The following CRACDL variants were observed in gnomAD, a reference collection of about 807,000 sequenced individuals.
The protein encoded by CRACDL is CRACD-like protein.
Under a neutral mutation model 70.6 loss-of-function variants are expected in CRACDL, and 26 were observed. That is an observed-to-expected ratio of 0.37 (90% CI 0.27 to 0.51). The LOEUF (loss-of-function observed/expected upper bound fraction) is 0.51, where lower values mean the gene tolerates loss of function less well. Among genes scored for constraint, CRACDL ranks in the 20% least tolerant of loss-of-function variants. The pLI is 0.94. For synonymous variants in CRACDL, 618 were observed against 615.2 expected (o/e 1.00, Z -0.07); for missense variants, 1,283 against 1,376.9 (o/e 0.93, Z 1.08).
chr2:98,824,657 T>A (rs1705234305), intron 6 of CRACDL, among the ~76,000 whole-genome samples: 1 of 152,208 alleles, frequency 6.6e-6, no homozygotes, highest in Non-Finnish European at 1.5e-5. Context: ...GCTCTCTCCT[T>A]CCCCTTTTCT....
chr2:98,876,379 G>A (rs938236179), intron 1 of CRACDL, among the ~76,000 whole-genome samples: 2 of 152,170 alleles, frequency 1.3e-5, no homozygotes, highest in African/African-American at 4.8e-5. Flanking sequence ...GTACCAGACC[G>A]TGGCCTGTTA....
chr2:98,881,877 G>A (rs1469919119), intron 1 of CRACDL, among the ~76,000 whole-genome samples: 1 of 152,164 alleles, frequency 6.6e-6, no homozygotes, highest in Non-Finnish European at 1.5e-5. Context: ...CAGGCTTAAG[G>A]CAGCCCAGGA....
At chr2:98,882,261 G>C (rs1707673140) in intron 1 of CRACDL, among the ~76,000 whole-genome samples, 1 of 152,194 alleles carries the variant, frequency 6.6e-6, no homozygotes, top group South Asian at 2.1e-4. Context: ...CTCCAGCAGG[G>C]CTAGAAATTG....
At chr2:98,894,938 T>G (rs1708079444) in intron 1 of CRACDL, among the ~76,000 whole-genome samples, 1 of 152,060 alleles carries the variant, frequency 6.6e-6, no homozygotes, top group African/African-American at 2.4e-5. Flanking sequence ...AGAGCTCAAC[T>G]TTACAAACAC....
At chr2:98,801,302 G>T (rs1281525853) in intron 7 of CRACDL, among the ~76,000 whole-genome samples, 1 of 152,236 alleles carries the variant, frequency 6.6e-6, no homozygotes, top group Non-Finnish European at 1.5e-5. Flanking sequence ...AAAAGAGAGA[G>T]AACCCACTCC....
intron 1 of CRACDL, among the ~76,000 whole-genome samples, chr2:98,914,612 T>C (rs970647891): frequency 6.6e-6 from 1 of 152,090 alleles, no homozygotes; most frequent in Non-Finnish European, 1.5e-5. Context: ...ACAGAGGAGC[T>C]CTGTCCCCTG....
chr2:98,899,468 C>T (rs1036224421), intron 1 of CRACDL, among the ~76,000 whole-genome samples: 16 of 152,320 alleles, frequency 1.1e-4, no homozygotes, highest in South Asian at 4.1e-4. Flanking sequence ...ACAGCCCAGA[C>T]GCTGTGATCC....
chr2:98,807,945 T>C (rs1358386163), intron 7 of CRACDL, among the ~76,000 whole-genome samples: 1 of 152,182 alleles, frequency 6.6e-6, no homozygotes, highest in Non-Finnish European at 1.5e-5. Flanking sequence ...GTGACAGCCC[T>C]GAAACAGTGC....
rs368568635 is a variant in CRACDL, at chr2:98,832,376, T to C, written c.512A>G (p.His171Arg). 1.2e-6 allele frequency: 2 copies of C among 1,614,048 alleles called. No individual in the cohort carries two copies. Among genetic ancestry groups the C allele is most frequent in the African/African-American group, 2.7e-5 (2 of 74,926 alleles). ...TATGGTGGTACCAGGACCCACGTCG[T>C]GCAGCAGAGACATCTCTGGGGGGCT... Reference protein sequence around the residue: ...PRSPPEMSLLHDVGPGTTIKV... With the variant: ...PRSPPEMSLLRDVGPGTTIKV... The change falls in exon 5 of 10, where the codon CAC (histidine) becomes CGC (arginine). Residue 171 changes from histidine (H) to arginine (R), a missense_variant. Coordinates refer to ENST00000397899, the MANE Select transcript of CRACDL (RefSeq NM_207362.3).
At chr2:98,801,929 T>C (rs1334334865) in intron 7 of CRACDL, among the ~76,000 whole-genome samples, 2 of 152,216 alleles carry the variant, frequency 1.3e-5, no homozygotes, top group Non-Finnish European at 2.9e-5. Flanking sequence ...AACCTTACCC[T>C]GGAGCTTGAT....
intron 7 of CRACDL, among the ~76,000 whole-genome samples, chr2:98,818,295 T>C (rs2203432): frequency 0.06 from 9,195 of 152,296 alleles, 300 homozygotes; most frequent in East Asian, 0.11. Flanking sequence ...TCAGCCCCTT[T>C]GGCAACCCAG....
At chr2:98,902,467 C>T (rs753737667) in intron 1 of CRACDL, among the ~76,000 whole-genome samples, 11 of 152,254 alleles carry the variant, frequency 7.2e-5, no homozygotes, top group Non-Finnish European at 1.0e-4. Flanking sequence ...GTGGGCTCCC[C>T]GAGTGTGTGG....
intron 2 of CRACDL, among the ~76,000 whole-genome samples, chr2:98,839,847 A>G (rs112028459): frequency 1.1e-4 from 17 of 152,334 alleles, no homozygotes; most frequent in African/African-American, 3.1e-4. Context: ...CACAACATCT[A>G]TAGTGATTGA....
chr2:98,876,999 A>AC (rs1707503095), intron 1 of CRACDL, among the ~76,000 whole-genome samples: 1 of 152,244 alleles, frequency 6.6e-6, no homozygotes, highest in African/African-American at 2.4e-5. Flanking sequence ...AAAATGCAAC[A>AC]CCGGCACATC....
chr2:98,916,754 A>T (rs1168574895), intron 1 of CRACDL, among the ~76,000 whole-genome samples: 1 of 152,106 alleles, frequency 6.6e-6, no homozygotes, highest in Non-Finnish European at 1.5e-5. Context: ...AGGTGAAGAC[A>T]GCAGCTCCCC....
chr2:98,910,565 T>TAAATAAATAAAC (rs1158264236), intron 1 of CRACDL, among the ~76,000 whole-genome samples: 1 of 145,566 alleles, frequency 6.9e-6, no homozygotes, highest in Non-Finnish European at 1.5e-5. Flanking sequence ...AATAAATAAA[T>TAAATAAATAAAC]AATGCTCCTT....
At chr2:98,838,809 G>C (rs1345946911) in intron 2 of CRACDL, among the ~76,000 whole-genome samples, 2 of 152,198 alleles carry the variant, frequency 1.3e-5, no homozygotes, top group East Asian at 3.8e-4. Context: ...AATGACTTTT[G>C]GTGAGAAAAA....
chr2:98,854,998 G>T (rs887231627), intron 1 of CRACDL, among the ~76,000 whole-genome samples: 3 of 152,180 alleles, frequency 2.0e-5, no homozygotes, highest in Admixed American at 6.5e-5. Context: ...TTATTAAAAA[G>T]AATGTTCTTG....
chr2:98,828,675 TTATC>T (rs1305586150), intron 5 of CRACDL, among the ~76,000 whole-genome samples: 1 of 152,196 alleles, frequency 6.6e-6, no homozygotes, highest in African/African-American at 2.4e-5. Flanking sequence ...AAGTGTAAGT[TTATC>T]TGTGTAAACA....
Sources: allele counts gnomAD v4.1 joint callset (sites outside exome capture counted in the v4.1 genomes callset), GRCh38; gene constraint gnomAD v4.1.1; transcripts MANE v1.5; gene names NCBI Gene and HGNC (gene_info 2026-07-23, HGNC 2026-07-21).